The following DNMT3A variants were observed in gnomAD, a reference collection of about 807,000 sequenced individuals.
DNMT3A encodes the protein DNA (cytosine-5)-methyltransferase 3A.
In DNMT3A, 267 loss-of-function variants were observed where a neutral mutation model predicts 117.6. The ratio of observed to expected loss-of-function variants is 2.27; its 90% CI spans 2.05 to 2.51. The LOEUF (loss-of-function observed/expected upper bound fraction) is 2.51, where lower values mean the gene tolerates loss of function less well. Ranked by LOEUF, DNMT3A falls within the 30% of genes most tolerant of loss-of-function variation. DNMT3A has a pLI of 0.00. For missense variants in DNMT3A, 1,029 were observed against 1,260.2 expected, an observed-to-expected ratio of 0.82 and a Z score of 2.78; for synonymous variants, 432 against 474.8, an observed-to-expected ratio of 0.91 and a Z score of 1.17.
rs1394939220 is a variant in DNMT3A at position 25,286,713 on chromosome 2, G to A, written c.178-4002C>T. ...GAAAAAGGTCCCAGTCAAATGGCCT[G>A]AAGCAACTGTCCAAGTCTCTGGGGA... is the stretch of plus-strand genomic sequence containing the variant. On this transcript the variant is annotated intron_variant, in intron 3 of 22. Coordinates refer to ENST00000321117, the MANE Select transcript of DNMT3A (RefSeq NM_022552.5). This position sits in a 1 kb window ranked among gnomAD's most constrained non-coding sequence, Gnocchi z 4.3. Among the ~76,000 whole-genome samples the A allele has an allele frequency of 6.6e-6, 1 of 152,242 alleles. No homozygotes were observed. Among genetic ancestry groups the A allele is most frequent in the East Asian group, 1.9e-4 (1 of 5,192 alleles).
chr2:25,233,885 A>G lies in DNMT3A; in HGVS notation c.*394T>C, dbSNP rs1190071835. 2 of 233,584 alleles carry G rather than the reference A, an allele frequency of 8.6e-6. No homozygotes were observed. Among genetic ancestry groups the G allele is most frequent in the Non-Finnish European group, 1.7e-5 (2 of 119,720 alleles). 14.5% of individuals were successfully genotyped at this position (233,584 alleles called of 1,614,324 possible). A position where few individuals can be genotyped will look rare whatever the true frequency, so the allele number is the denominator to read the frequency against. Reference sequence around the variant, plus strand: ...CTTTCCTCTGCAAGGTATTGTTACTATTTTTTGTTACTGATTTTTGCTGCA... The same window carrying G: ...CTTTCCTCTGCAAGGTATTGTTACTGTTTTTTGTTACTGATTTTTGCTGCA... On this transcript the variant is annotated 3_prime_UTR_variant, in exon 23 of 23. Coordinates refer to ENST00000321117, the MANE Select transcript of DNMT3A (RefSeq NM_022552.5).
intron 1 of DNMT3A, among the ~76,000 whole-genome samples, chr2:25,322,456 C>T (rs571679782): frequency 1.1e-4 from 16 of 152,092 alleles, no homozygotes; most frequent in African/African-American, 3.9e-4. Flanking sequence ...CCTCTCCACC[C>T]CCCACCCTCA....
At chr2:25,245,130 G>T in intron 13 of DNMT3A, 123 bp downstream of exon 13, 1 of 868,382 alleles carries the variant, frequency 1.2e-6, no homozygotes, top group East Asian at 2.5e-5. Context: ...AGGAAGCTCT[G>T]AAGTCTACAT....
intron 1 of DNMT3A, among the ~76,000 whole-genome samples, chr2:25,315,414 A>C (rs2034330781): frequency 2.0e-5 from 3 of 152,302 alleles, no homozygotes; most frequent in African/African-American, 7.2e-5. Context: ...GTCAACCCAG[A>C]AAGGCTTGAA....
intron 6 of DNMT3A, among the ~76,000 whole-genome samples, chr2:25,248,538 G>A (rs917640550): frequency 6.0e-5 from 9 of 151,000 alleles, no homozygotes; most frequent in Non-Finnish European, 1.0e-4. Context: ...CCTATGATAC[G>A]GAAATGTTAT....
intron 22 of DNMT3A, among the ~76,000 whole-genome samples, chr2:25,235,198 T>TTC (rs1558652230): frequency 6.7e-6 from 1 of 150,208 alleles, no homozygotes. Context: ...TTTTTTTTTT[T>TTC]CCCTTTGAGA....
rs1675623130 is a variant in DNMT3A, at chr2:25,252,015, C to T, written c.640-3763G>A. 4.1e-6 allele frequency: 3 copies of T among 728,006 alleles called. No individual in the cohort carries two copies. The highest frequency in any genetic ancestry group is 6.3e-6 in the Non-Finnish European group (3 of 479,378). 45.1% of individuals were successfully genotyped at this position (728,006 alleles called of 1,614,324 possible). A position where few individuals can be genotyped will look rare whatever the true frequency, so the allele number is the denominator to read the frequency against. ...GCCTTGGGGCTCGTGGGCAGGAAGG[C>T]GGCGGGCCAGCACTAAGTCAGCATC... On this transcript the variant is annotated intron_variant, in intron 6 of 22. Coordinates refer to ENST00000321117, the MANE Select transcript of DNMT3A (RefSeq NM_022552.5). The surrounding 1 kb of genome is among the most constrained non-coding windows in gnomAD (Gnocchi z 5.5).
chr2:25,293,191 C>T lies in DNMT3A; in HGVS notation c.177+6948G>A, dbSNP rs929445523. Among the ~76,000 whole-genome samples the T allele has an allele frequency of 3.9e-5, 6 of 152,164 alleles. No individual in the cohort carries two copies. The highest frequency in any genetic ancestry group is 1.4e-4 in the African/African-American group (6 of 41,438). ...TTGCTAGGGCTTCCTTTCACCCCTT[C>T]CTCTCCAGCGTTCCCAGGGCCAGCA... On this transcript the variant is annotated intron_variant, in intron 3 of 22. Transcript: ENST00000321117. The surrounding 1 kb of genome is among the most constrained non-coding windows in gnomAD (Gnocchi z 4.7).
intron 16 of DNMT3A, chr2:25,241,967 TTCCA>T: frequency 2.0e-6 from 1 of 493,338 alleles, no homozygotes; most frequent in South Asian, 2.8e-5. Flanking sequence ...GAGTACATGG[TTCCA>T]GGATCCAGGA....
chr2:25,278,166 C>T (rs1179612577), intron 4 of DNMT3A, among the ~76,000 whole-genome samples: 1 of 152,218 alleles, frequency 6.6e-6, no homozygotes, highest in Non-Finnish European at 1.5e-5. Context: ...GGCCCAGGGT[C>T]ACCGCCAGGG....
rs138304230 is a variant in DNMT3A at position 25,304,920 on chromosome 2, C to T, written c.73-4677G>A. Among the ~76,000 whole-genome samples the T allele has an allele frequency of 8.4e-4, 128 of 152,360 alleles. 1 individual carries two copies. Among genetic ancestry groups the T allele is most frequent in the African/African-American group, 3.0e-3 (124 of 41,590 alleles). On this transcript the variant is annotated intron_variant, in intron 2 of 22. Transcript: ENST00000321117. This position sits in a 1 kb window ranked among gnomAD's most constrained non-coding sequence, Gnocchi z 4.3. Reference sequence around the variant, plus strand: ...CCCCTCCTCCCATCCCCTGCCTAGACTGAGCTGAAAGACCCTTCCTCTCCT... The same window carrying T: ...CCCCTCCTCCCATCCCCTGCCTAGATTGAGCTGAAAGACCCTTCCTCTCCT...
intron 3 of DNMT3A, among the ~76,000 whole-genome samples, chr2:25,284,132 A>G (rs1456149257): frequency 1.3e-5 from 2 of 152,140 alleles, no homozygotes; most frequent in Admixed American, 6.5e-5. Context: ...ACCAGGCTGC[A>G]CTCAGCAACT....
rs986343725 is a variant in DNMT3A at position 25,328,498 on chromosome 2, C to T, written c.-178+13328G>A. 2.9e-5 allele frequency: 11 copies of T among 382,006 alleles called. No homozygotes were observed. In the Middle Eastern group the frequency reaches 1.5e-3, roughly 53 times the overall value. 23.7% of individuals were successfully genotyped at this position (382,006 alleles called of 1,614,324 possible). ...TCTCCTCGACCACCCACCCAGGGGT[C>T]ATTGAGTGTTCCATGCGTATATAGA... is the stretch of plus-strand genomic sequence containing the variant. On this transcript the variant is annotated intron_variant, in intron 1 of 22. Coordinates refer to ENST00000321117, the MANE Select transcript of DNMT3A (RefSeq NM_022552.5).
chr2:25,235,655 A>C, intron 22 of DNMT3A, 52 bp downstream of exon 22: 1 of 1,448,218 alleles, frequency 6.9e-7, no homozygotes, highest in Admixed American at 1.8e-5. Flanking sequence ...CGCAGCAAGC[A>C]CAGCAATCAG....
rs2031931367 is a variant in DNMT3A, at chr2:25,282,192, TTA to T, written c.448+247_448+248del. On this transcript the variant is annotated intron_variant, in intron 4 of 22. Coordinates refer to ENST00000321117, the MANE Select transcript of DNMT3A (RefSeq NM_022552.5). This position sits in a 1 kb window ranked among gnomAD's most constrained non-coding sequence, Gnocchi z 5.2. Reference sequence around the variant, plus strand: ...CATGAGAAGCCAAAACTCCAGATTTTTATGTGAAATTTTTTGATTTTTAAATA... The same window carrying T: ...CATGAGAAGCCAAAACTCCAGATTTTTGTGAAATTTTTTGATTTTTAAATA... 1 of 1,247,348 alleles carries T rather than the reference TTA, an allele frequency of 8.0e-7. No homozygotes were observed. Among genetic ancestry groups the T allele is most frequent in the East Asian group, 3.1e-5 (1 of 31,912 alleles). 77.3% of individuals were successfully genotyped at this position (1,247,348 alleles called of 1,614,324 possible).
chr2:25,239,041 G>C, intron 20 of DNMT3A, 89 bp downstream of exon 20: 1 of 1,152,856 alleles, frequency 8.7e-7, no homozygotes, highest in East Asian at 2.4e-5. Flanking sequence ...GCCGGCCAGA[G>C]AGGGCCCGGC....
chr2:25,248,365 G>A, intron 6 of DNMT3A, 113 bp from the exon 7 acceptor site: 6 of 1,228,246 alleles, frequency 4.9e-6, no homozygotes, highest in Non-Finnish European at 6.8e-6. Context: ...AGAAGGTCAA[G>A]GGCTGGAGAG....
chr2:25,253,246 C>T (rs1232445893), intron 6 of DNMT3A, among the ~76,000 whole-genome samples: 3 of 152,174 alleles, frequency 2.0e-5, no homozygotes, highest in African/African-American at 7.2e-5. Flanking sequence ...CACAGCCCTC[C>T]ATTACGTTGG....
In DNMT3A at chr2:25,244,587, G is replaced by A. The variant is rs777720652; in HGVS notation, c.1620C>T (p.Cys540=). ...ACATGAGCACCTCACGGCCCCCACA[G>A]CAGATGGTGCAGTAGGACTGGTAGC... ...DDGYQSYCTI[C]CGGREVLMCG... The change falls in exon 14 of 23, where the codon TGC becomes TGT. Residue 540 remains cysteine (C), a synonymous_variant. Coordinates refer to ENST00000321117, the MANE Select transcript of DNMT3A (RefSeq NM_022552.5). 1.2e-6 allele frequency: 2 copies of A among 1,614,236 alleles called. No homozygotes were observed. The highest frequency in any genetic ancestry group is 2.2e-5 in the South Asian group (2 of 91,088).
Sources: allele counts gnomAD v4.1 joint callset (sites outside exome capture counted in the v4.1 genomes callset), GRCh38; gene constraint gnomAD v4.1.1; non-coding constraint Gnocchi (gnomAD v3.1); transcripts MANE v1.5; gene names NCBI Gene and HGNC (gene_info 2026-07-23, HGNC 2026-07-21).